FARP1: variants seen among roughly 807,000 people sequenced by gnomAD.
The protein encoded by FARP1 is FERM, ARHGEF and pleckstrin domain-containing protein 1.
Under a neutral mutation model 128.8 loss-of-function variants are expected in FARP1, and 52 were observed. The ratio of observed to expected loss-of-function variants is 0.40; its 90% CI spans 0.32 to 0.51. FARP1 has a LOEUF of 0.51. Ranked by LOEUF, FARP1 falls within the 20% of genes least tolerant of loss-of-function variation. The pLI is 0.45. For missense variants in FARP1, 1,333 were observed against 1,367.9 expected, an observed-to-expected ratio of 0.97 and a Z score of 0.40; for synonymous variants, 580 against 551.8, an observed-to-expected ratio of 1.05 and a Z score of -0.72.
At chr13:98,151,556 ACTCT>A (rs1369571507) in intron 1 of FARP1, among the ~76,000 whole-genome samples, 1 of 151,740 alleles carries the variant, frequency 6.6e-6, no homozygotes, top group East Asian at 1.9e-4. Flanking sequence ...TGAAATATAC[ACTCT>A]CTATGACATT....
At position 98,243,696 on chromosome 13, in the gene FARP1, C is replaced by CAAAAA. The variant is rs61020922; in HGVS notation, c.171+30301_171+30305dup. ...TGGGCGACAGAGAGAGACTCCATCTCAAAAAAAAAAAAAAAAAAAAAATCT... is the reference window on the plus strand; with the variant it reads ...TGGGCGACAGAGAGAGACTCCATCTCAAAAAAAAAAAAAAAAAAAAAAAAAAATCT... On this transcript the variant is annotated intron_variant, in intron 2 of 26. Transcript: ENST00000319562. 7.7e-3 allele frequency among the ~76,000 whole-genome samples: 497 copies of CAAAAA among 64,876 alleles called. 8 individuals are homozygous for CAAAAA. The highest frequency in any genetic ancestry group is 0.025 in the African/African-American group (470 of 18,646). The allele number at this position is 64,876 out of a possible 152,430, so 42.6% of individuals were successfully genotyped here.
Position 98,147,730 on chromosome 13 carries a change from C to T in FARP1, c.-24+4238C>T, listed in dbSNP as rs190353519. Reference sequence around the variant, plus strand: ...CTGGAGTGCAGTGGTGATCATGGCTCATTGCAGCCTTGACCTCTTGGGCTC... The same window carrying T: ...CTGGAGTGCAGTGGTGATCATGGCTTATTGCAGCCTTGACCTCTTGGGCTC... On this transcript the variant is annotated intron_variant, in intron 1 of 26. Coordinates refer to ENST00000319562, the MANE Select transcript of FARP1 (RefSeq NM_005766.4). 1.3e-4 allele frequency among the ~76,000 whole-genome samples: 20 copies of T among 152,114 alleles called. No individual in the cohort carries two copies. In the East Asian group the frequency reaches 3.5e-3, roughly 26 times the overall value.
At chr13:98,242,113 A>G (rs774198868) in intron 2 of FARP1, among the ~76,000 whole-genome samples, 3 of 152,112 alleles carry the variant, frequency 2.0e-5, no homozygotes, top group Non-Finnish European at 2.9e-5. Context: ...TTGCATTGAC[A>G]GGCTCTGCTT....
intron 3 of FARP1, 25 bp from the exon 4 acceptor site, chr13:98,365,370 T>C (rs2139964302): frequency 1.3e-6 from 2 of 1,588,936 alleles, no homozygotes; most frequent in Non-Finnish European, 1.7e-6. Context: ...ACTTAGGTCT[T>C]AATCTGTTCT....
At position 98,449,886 on chromosome 13, in the gene FARP1, A is replaced by C. The variant is rs1484768608; in HGVS notation, c.*1569A>C. The C allele has an allele frequency of 2.0e-5, 3 of 152,258 alleles. No homozygotes were observed. The highest frequency in any genetic ancestry group is 4.4e-5 in the Non-Finnish European group (3 of 68,082). 9.4% of individuals were successfully genotyped at this position (152,258 alleles called of 1,614,324 possible). A position where few individuals can be genotyped will look rare whatever the true frequency, so the allele number is the denominator to read the frequency against. The stretch of plus-strand genomic sequence containing the variant: ...GTGACACAGGGAGGGCCTGCCCCCC[A>C]CTGTTCCCTATGCTCCCCCCACCTC... On this transcript the variant is annotated 3_prime_UTR_variant, in exon 27 of 27. Coordinates refer to ENST00000319562, the MANE Select transcript of FARP1 (RefSeq NM_005766.4).
rs1893274585 is a variant in FARP1 at position 98,453,114 on chromosome 13, AAAG to A, written c.*4798_*4800del. ...GCGAAGGCTCTCGTTGACTTTTAAA[AAAG>A]GAGGAGGATGAAGAAGGAAAAAAGG... On this transcript the variant is annotated 3_prime_UTR_variant, in exon 27 of 27. Transcript: ENST00000319562. The A allele has an allele frequency of 8.8e-6, 14 of 1,599,282 alleles. No homozygotes were observed. Among genetic ancestry groups the A allele is most frequent in the Middle Eastern group, 1.8e-4 (1 of 5,624 alleles).
At chr13:98,396,178 G>T (rs187474525) in intron 13 of FARP1, 76 of 399,182 alleles carry the variant, frequency 1.9e-4, no homozygotes, top group Non-Finnish European at 9.7e-5. Flanking sequence ...TGCTCCCGAG[G>T]GTAGAAGCCT....
chr13:98,317,083 G>T (rs1886752501), intron 2 of FARP1, among the ~76,000 whole-genome samples: 1 of 152,178 alleles, frequency 6.6e-6, no homozygotes, highest in Admixed American at 6.5e-5. Flanking sequence ...GGAGTGCAGG[G>T]CGACTTCTCT....
intron 1 of FARP1, among the ~76,000 whole-genome samples, chr13:98,194,111 A>ATTT (rs1402403316): frequency 6.6e-6 from 1 of 151,452 alleles, no homozygotes; most frequent in Non-Finnish European, 1.5e-5. Context: ...TTTATTTTCT[A>ATTT]TTTATTATTA....
chr13:98,401,586 A>G (rs1408426460), intron 13 of FARP1: 1 of 152,010 alleles, frequency 6.6e-6, no homozygotes, highest in Non-Finnish European at 1.5e-5. Flanking sequence ...CCCCATGAAC[A>G]GAAGTGGTAA....
chr13:98,374,236 C>T (rs1360068023), intron 5 of FARP1, among the ~76,000 whole-genome samples: 1 of 152,106 alleles, frequency 6.6e-6, no homozygotes, highest in Non-Finnish European at 1.5e-5. Flanking sequence ...CCAGCCTGGG[C>T]AACACAGGGA....
At chr13:98,249,708 AGAAATAT>A (rs1327127538) in intron 2 of FARP1, among the ~76,000 whole-genome samples, 124 of 152,278 alleles carry the variant, frequency 8.1e-4, no homozygotes, top group African/African-American at 2.6e-3. Context: ...CATCTCCCAA[AGAAATAT>A]CACACAGGCC....
chr13:98,285,410 AT>A (rs981700300), intron 2 of FARP1, among the ~76,000 whole-genome samples: 2 of 151,788 alleles, frequency 1.3e-5, no homozygotes, highest in African/African-American at 4.8e-5. Flanking sequence ...TTTTCTGAGC[AT>A]TTTTTTCTTC....
At chr13:98,335,000 C>T (rs1887682168) in intron 2 of FARP1, among the ~76,000 whole-genome samples, 1 of 152,210 alleles carries the variant, frequency 6.6e-6, no homozygotes. Context: ...CTGTGTTTAC[C>T]TAGCAAACTC....
intron 17 of FARP1, among the ~76,000 whole-genome samples, chr13:98,429,379 T>C (rs1363920284): frequency 6.6e-6 from 1 of 152,104 alleles, no homozygotes; most frequent in Non-Finnish European, 1.5e-5. Context: ...GTCAGAGGGA[T>C]CCCGGCTTAA....
chr13:98,193,804 A>G (rs1211442113), intron 1 of FARP1, among the ~76,000 whole-genome samples: 1 of 152,212 alleles, frequency 6.6e-6, no homozygotes, highest in Non-Finnish European at 1.5e-5. Flanking sequence ...CAAAGACAGA[A>G]AGGAGATGAT....
intron 4 of FARP1, among the ~76,000 whole-genome samples, chr13:98,367,133 A>AGATGAT (rs111823714): frequency 0.041 from 6,041 of 148,638 alleles, 235 homozygotes; most frequent in African/African-American, 0.09. Context: ...TGCAAATCAC[A>AGATGAT]GATGATGATG....
chr13:98,245,996 C>T (rs1883030870), intron 2 of FARP1, among the ~76,000 whole-genome samples: 1 of 150,952 alleles, frequency 6.6e-6, no homozygotes, highest in East Asian at 1.9e-4. Flanking sequence ...AGGCTGGTCT[C>T]GAATTCATGA....
chr13:98,386,840 A>G (rs1314790248), intron 8 of FARP1, among the ~76,000 whole-genome samples: 1 of 152,180 alleles, frequency 6.6e-6, no homozygotes. Flanking sequence ...CTATTCATGC[A>G]CCAGAAGTTT....
Sources: gnomAD v4.1 joint callset for allele counts (sites outside exome capture counted in the v4.1 genomes callset) on GRCh38, gnomAD v4.1.1 for gene constraint, MANE v1.5 for transcripts, NCBI Gene and HGNC (gene_info 2026-07-23, HGNC 2026-07-21) for gene names.